RASSF3: variants seen among roughly 807,000 people sequenced by gnomAD.
RASSF3 encodes Ras association domain family member 3.
A neutral mutation model predicts 19.9 loss-of-function variants in RASSF3; 19 were observed. The observed-to-expected ratio is 0.96, with a 90% CI of 0.67 to 1.40. The LOEUF (loss-of-function observed/expected upper bound fraction) is 1.40, where lower values mean the gene tolerates loss of function less well. RASSF3 is among the 40% of genes most tolerant of loss of function. The pLI, the probability that RASSF3 is intolerant of heterozygous loss-of-function variation, is 0.00. For synonymous variants in RASSF3, 110 were observed against 104.2 expected (o/e 1.06, Z -0.34); for missense variants, 306 against 289.8 (o/e 1.06, Z -0.41).
At chr12:64,535,585 C>G (rs932049374) in intron 1 of RASSF3, among the ~76,000 whole-genome samples, 9 of 152,010 alleles carry the variant, frequency 5.9e-5, no homozygotes, top group African/African-American at 2.2e-4. Context: ...AAGCTGGTCT[C>G]GAACTCCTGG....
At chr12:64,639,954 T>C (rs757742966) in intron 1 of RASSF3, among the ~76,000 whole-genome samples, 1 of 152,234 alleles carries the variant, frequency 6.6e-6, no homozygotes, top group Non-Finnish European at 1.5e-5. Context: ...AAAGATCTCC[T>C]TGACATTCTA....
chr12:64,571,959 A>C (rs907932151), intron 2 of RASSF3, among the ~76,000 whole-genome samples: 1 of 152,154 alleles, frequency 6.6e-6, no homozygotes, highest in African/African-American at 2.4e-5. Context: ...TAGCTGGAGG[A>C]CAAAGGGCCT....
At chr12:64,551,163 A>T (rs1160894280) in intron 2 of RASSF3, among the ~76,000 whole-genome samples, 2 of 152,218 alleles carry the variant, frequency 1.3e-5, no homozygotes, top group African/African-American at 4.8e-5. Flanking sequence ...GACATGTACA[A>T]AGTACCTATG....
chr12:64,603,288 T>G (rs1254683382), intron 2 of RASSF3, among the ~76,000 whole-genome samples: 2 of 152,130 alleles, frequency 1.3e-5, no homozygotes, highest in Non-Finnish European at 2.9e-5. Context: ...GTAACATGAT[T>G]ATGATGATCA....
rs762507850 is a variant in RASSF3 at position 64,691,493 on chromosome 12, C to T, written c.481C>T (p.Arg161Trp). 2.6e-5 allele frequency: 42 copies of T among 1,613,590 alleles called. No homozygotes were observed. The highest frequency in any genetic ancestry group is 8.9e-5 in the East Asian group (4 of 44,898). The change falls in exon 4 of 5, where the codon CGG becomes TGG. Residue 161 changes from arginine (R) to tryptophan (W), a missense_variant. Arg to Trp is a moderately radical substitution (Grantham distance 101). Transcript: ENST00000542104. ...AGTCTACGCCTGCAAGCTCTCAGAC[C>T]GGGAACATCCACTCTACCTGCGTTT... Reference protein sequence around the residue: ...DQVYACKLSDREHPLYLRLVA... With the variant: ...DQVYACKLSDWEHPLYLRLVA...
At chr12:64,614,973 A>G (rs1870502661) in intron 1 of RASSF3, among the ~76,000 whole-genome samples, 1 of 152,194 alleles carries the variant, frequency 6.6e-6, no homozygotes, top group Non-Finnish European at 1.5e-5. Flanking sequence ...TGCTGGGATT[A>G]TAGGCATGAG....
rs61043338 is a variant in RASSF3 at position 64,635,811 on chromosome 12, A to G, written c.111+25068A>G. On this transcript the variant is annotated intron_variant, in intron 1 of 4. Coordinates refer to ENST00000542104, the MANE Select transcript of RASSF3 (RefSeq NM_178169.4). ...GAGCCTGGGCTGTGAGGGTCAAGGG[A>G]CAATGGGAAGGGACATTAAAAGGTT... Among the ~76,000 whole-genome samples, 1,137 of 152,238 alleles carry G rather than the reference A, an allele frequency of 7.5e-3. 17 individuals carry two copies. Among genetic ancestry groups the G allele is most frequent in the African/African-American group, 0.026 (1,093 of 41,532 alleles).
chr12:64,600,963 A>T (rs1870082139), intron 2 of RASSF3, among the ~76,000 whole-genome samples: 1 of 152,134 alleles, frequency 6.6e-6, no homozygotes, highest in African/African-American at 2.4e-5. Flanking sequence ...AAACAGGGTC[A>T]TATTCTATTT....
At chr12:64,640,419 T>C (rs1205353152) in intron 1 of RASSF3, among the ~76,000 whole-genome samples, 2 of 152,228 alleles carry the variant, frequency 1.3e-5, no homozygotes, top group Admixed American at 1.3e-4. Context: ...ATTCATCTTG[T>C]GTAACTATAA....
chr12:64,525,136 C>T (rs556285083), intron 1 of RASSF3, among the ~76,000 whole-genome samples: 6 of 152,154 alleles, frequency 3.9e-5, no homozygotes, highest in Admixed American at 6.5e-5. Context: ...ATTAGCCAGG[C>T]GTGGTGGCGT....
At chr12:64,685,812 T>C (rs1041587961) in intron 2 of RASSF3, among the ~76,000 whole-genome samples, 1 of 152,190 alleles carries the variant, frequency 6.6e-6, no homozygotes, top group Non-Finnish European at 1.5e-5. Flanking sequence ...AGTATTCATG[T>C]TCCTCTAAAC....
chr12:64,667,387 C>T (rs1367693934), intron 1 of RASSF3, among the ~76,000 whole-genome samples: 2 of 152,022 alleles, frequency 1.3e-5, no homozygotes, highest in African/African-American at 2.4e-5. Flanking sequence ...AGTGCAGTGG[C>T]GCCATCTCGG....
At chr12:64,676,149 T>G (rs1197903815) in intron 1 of RASSF3, among the ~76,000 whole-genome samples, 1 of 151,154 alleles carries the variant, frequency 6.6e-6, no homozygotes, top group Non-Finnish European at 1.5e-5. Context: ...GTTCTGATTC[T>G]TTCCTTCAGG....
At chr12:64,543,064 G>C (rs1472044802), downstream of RASSF3, among the ~76,000 whole-genome samples, 4 of 44,740 alleles carry the variant, frequency 8.9e-5, no homozygotes, top group African/African-American at 1.3e-4. Flanking sequence ...TTGGAGTGGC[G>C]GGCCCCGCAC....
chr12:64,543,924 G>A (rs1869002580), downstream of RASSF3, among the ~76,000 whole-genome samples: 1 of 152,010 alleles, frequency 6.6e-6, no homozygotes, highest in South Asian at 2.1e-4. Context: ...CTCAGGGATT[G>A]TAAACGCACC....
chr12:64,555,641 C>T (rs962110847), intron 2 of RASSF3, among the ~76,000 whole-genome samples: 8 of 151,704 alleles, frequency 5.3e-5, no homozygotes, highest in South Asian at 2.1e-4. Context: ...CCCAGCTACT[C>T]GGGAGGCTGA....
intron 1 of RASSF3, among the ~76,000 whole-genome samples, chr12:64,514,128 C>A (rs1440493167): frequency 1.3e-5 from 2 of 150,468 alleles, no homozygotes; most frequent in Admixed American, 6.6e-5. Context: ...ACCTCGTGAT[C>A]CACCTGCCTC....
intron 2 of RASSF3, among the ~76,000 whole-genome samples, chr12:64,687,894 T>C (rs939366850): frequency 6.6e-6 from 1 of 152,164 alleles, no homozygotes; most frequent in Non-Finnish European, 1.5e-5. Flanking sequence ...CTCCGTTGGA[T>C]TGTAACCTCG....
chr12:64,624,779 A>C (rs528230987), intron 1 of RASSF3, among the ~76,000 whole-genome samples: 3 of 151,254 alleles, frequency 2.0e-5, no homozygotes, highest in Non-Finnish European at 2.9e-5. Flanking sequence ...CTGCCTCAGC[A>C]TCCCGAGTAG....
Sources: allele counts gnomAD v4.1 joint callset (sites outside exome capture counted in the v4.1 genomes callset), GRCh38; gene constraint gnomAD v4.1.1; transcripts MANE v1.5; gene names NCBI Gene and HGNC (gene_info 2026-07-23, HGNC 2026-07-21).